Variants in CEP170 observed in about 807,000 individuals in gnomAD.
The protein encoded by CEP170 is centrosomal protein 170, also known as centrosomal protein of 170 kDa.
In CEP170, 21 loss-of-function variants were observed where a neutral mutation model predicts 151.9. That is an observed-to-expected ratio of 0.14 (90% CI 0.10 to 0.20). The LOEUF (loss-of-function observed/expected upper bound fraction) is 0.20. Among genes scored for constraint, CEP170 ranks in the 10% least tolerant of loss-of-function variants. The pLI, the probability that CEP170 is intolerant of heterozygous loss-of-function variation, is 1.00. For missense variants in CEP170, 964 were observed against 1,892.9 expected (o/e 0.51, Z 9.11); for synonymous variants, 356 against 648.8 (o/e 0.55, Z 6.86).
chr1:243,188,361 T>A (rs2060066466), intron 8 of CEP170, among the ~76,000 whole-genome samples: 1 of 152,232 alleles, frequency 6.6e-6, no homozygotes, highest in Admixed American at 6.5e-5. Flanking sequence ...ATATCTTTCC[T>A]ATAACTTGTA....
At chr1:243,144,756 CAT>C (rs972693234) in intron 14 of CEP170, among the ~76,000 whole-genome samples, 2 of 152,082 alleles carry the variant, frequency 1.3e-5, no homozygotes, top group Admixed American at 6.5e-5. Context: ...GTATATACAA[CAT>C]ATATTGTTGA....
intron 1 of CEP170, among the ~76,000 whole-genome samples, chr1:243,239,490 T>C (rs555175066): frequency 1.5e-4 from 23 of 152,334 alleles, no homozygotes; most frequent in Non-Finnish European, 2.8e-4. Context: ...TGTAATAATT[T>C]CACTCCCTAA....
intron 1 of CEP170, among the ~76,000 whole-genome samples, chr1:243,229,307 A>G (rs1256756559): frequency 6.6e-6 from 1 of 152,234 alleles, no homozygotes; most frequent in Non-Finnish European, 1.5e-5. Flanking sequence ...TTAGTCAAAT[A>G]GACATGGGTT....
intron 3 of CEP170, chr1:243,221,465 C>G (rs889318782): frequency 4.8e-6 from 2 of 417,408 alleles, no homozygotes; most frequent in Non-Finnish European, 4.2e-6. Context: ...TAGGTTCCAA[C>G]TCCTTAAAGA....
intron 17 of CEP170, among the ~76,000 whole-genome samples, chr1:243,133,703 C>A (rs1479210453): frequency 6.6e-6 from 1 of 152,044 alleles, no homozygotes; most frequent in Non-Finnish European, 1.5e-5. Flanking sequence ...GATATATTAG[C>A]AAATCATAGG....
intron 1 of CEP170, among the ~76,000 whole-genome samples, chr1:243,231,741 A>C (rs2063780098): frequency 6.6e-6 from 1 of 152,202 alleles, no homozygotes; most frequent in South Asian, 2.1e-4. Flanking sequence ...AAAAAGTTCA[A>C]TTTTTAAAAA....
At chr1:243,226,024 C>T (rs752493833) in intron 1 of CEP170, among the ~76,000 whole-genome samples, 25 of 124,352 alleles carry the variant, frequency 2.0e-4, no homozygotes, top group Non-Finnish European at 3.1e-4. Flanking sequence ...TATATACACA[C>T]GTATATATAT....
At chr1:243,219,164 G>A (rs2062571265) in intron 3 of CEP170, among the ~76,000 whole-genome samples, 2 of 152,118 alleles carry the variant, frequency 1.3e-5, no homozygotes, top group Non-Finnish European at 1.5e-5. Flanking sequence ...ATGCTTTAAA[G>A]TTCTATACTA....
intron 1 of CEP170, among the ~76,000 whole-genome samples, chr1:243,233,942 A>G (rs953753016): frequency 6.6e-6 from 1 of 152,006 alleles, no homozygotes; most frequent in Non-Finnish European, 1.5e-5. Flanking sequence ...TATCACCCAT[A>G]AAAAGAAACT....
chr1:243,128,338 A>G (rs1325822053), intron 18 of CEP170, 38 bp from the exon 19 acceptor site: 1 of 1,537,480 alleles, frequency 6.5e-7, no homozygotes, highest in Non-Finnish European at 8.8e-7. Flanking sequence ...GCCTACTTTT[A>G]GCTAAATGTT....
chr1:243,211,067 CA>C (rs1260098570), intron 4 of CEP170: 2 of 147,580 alleles, frequency 1.4e-5, no homozygotes, highest in African/African-American at 2.5e-5. Context: ...TCTTTATTAC[CA>C]AAGTCCCAAT....
At chr1:243,140,149 T>C (rs1399062520) in intron 15 of CEP170, 42 bp from the exon 16 acceptor site, 1 of 1,585,994 alleles carries the variant, frequency 6.3e-7, no homozygotes, top group Non-Finnish European at 8.6e-7. Context: ...CACAGTAATT[T>C]GAAAAAGTAC....
intron 4 of CEP170, among the ~76,000 whole-genome samples, chr1:243,208,865 A>G (rs560207647): frequency 1.2e-3 from 176 of 152,218 alleles, no homozygotes; most frequent in African/African-American, 4.1e-3. Flanking sequence ...TCACAGTTAT[A>G]TTTCCCAAAC....
chr1:243,178,327 A>AAAAAAAAAAT (rs2059390526), intron 10 of CEP170, among the ~76,000 whole-genome samples: 1 of 150,960 alleles, frequency 6.6e-6, no homozygotes, highest in African/African-American at 2.4e-5. Flanking sequence ...AAAAAAAAAA[A>AAAAAAAAAAT]AAAAAAAAGG....
intron 12 of CEP170, chr1:243,169,259 T>A (rs1384180983): frequency 6.3e-6 from 1 of 157,960 alleles, no homozygotes; most frequent in Non-Finnish European, 1.4e-5. Flanking sequence ...TGCCTCGGAA[T>A]GAAATATTAA....
In CEP170 at chr1:243,156,365, C is replaced by T. The variant is rs1316239269; in HGVS notation, c.3767G>A (p.Arg1256His). The T allele has an allele frequency of 1.2e-5, 19 of 1,574,652 alleles. No homozygotes were observed. The highest frequency in any genetic ancestry group is 1.9e-5 in the Admixed American group (1 of 53,298). ...GSNRNSPKHT[R>H]LRTSPALKTT... is the part of the protein sequence containing the mutation. ...TTTCAGGGCTGGAGAAGTACGTAGA[C>T]GGGTATGTTTAGGGGAATTACGGTT... The change falls in exon 14 of 20, where the codon CGT becomes CAT. Residue 1256 changes from arginine (R) to histidine (H), a missense_variant. By Grantham distance (29) the Arg-to-His change is conservative. Transcript: ENST00000366542.
rs2789160 is a variant in CEP170, at chr1:243,196,057, A to G, written c.631+3003T>C. On this transcript the variant is annotated intron_variant, in intron 7 of 19. Coordinates refer to ENST00000366542, the MANE Select transcript of CEP170 (RefSeq NM_014812.3). Reference sequence around the variant, plus strand: ...GTACACAAGCTGAGAATTCAGTTACATTCATATAGATGAAAGTATTGCTGG... The same window carrying G: ...GTACACAAGCTGAGAATTCAGTTACGTTCATATAGATGAAAGTATTGCTGG... 2.6e-3 allele frequency among the ~76,000 whole-genome samples: 390 copies of G among 152,262 alleles called. 4 individuals carry two copies. Among genetic ancestry groups the G allele is most frequent in the African/African-American group, 8.9e-3 (371 of 41,572 alleles).
At position 243,255,185 on chromosome 1, in the gene CEP170, C is replaced by G. The variant is rs1049271681; in HGVS notation, c.-187G>C. 1 of 153,054 alleles carries G rather than the reference C, an allele frequency of 6.5e-6. No individual in the cohort carries two copies. The allele number at this position is 153,054 out of a possible 1,614,324, so 9.5% of individuals were successfully genotyped here. ...GCCGCTGCGGTCGAGCTCCGGGGCC[C>G]TCAGCTCCGCTGGGCAATAACGTTA... On this transcript the variant is annotated 5_prime_UTR_variant, in exon 1 of 20. Transcript: ENST00000366542.
At chr1:243,210,704 T>C (rs1214021190) in intron 4 of CEP170, among the ~76,000 whole-genome samples, 1 of 137,318 alleles carries the variant, frequency 7.3e-6, no homozygotes, top group African/African-American at 2.7e-5. Context: ...AACCTCTGCC[T>C]CCTGGGTTCA....
Sources: gnomAD v4.1 joint callset for allele counts (sites outside exome capture counted in the v4.1 genomes callset) on GRCh38, gnomAD v4.1.1 for gene constraint, MANE v1.5 for transcripts, NCBI Gene and HGNC (gene_info 2026-07-23, HGNC 2026-07-21) for gene names.